AFF3: variants seen among roughly 807,000 people sequenced by gnomAD.
AFF3 encodes AF4/FMR2 family member 3.
In AFF3, 32 loss-of-function variants were observed where a neutral mutation model predicts 129.7. The observed-to-expected ratio is 0.25, with a 90% CI of 0.19 to 0.33. The LOEUF is 0.33. Ranked by LOEUF, AFF3 falls within the 10% of genes least tolerant of loss-of-function variation. The probability of loss-of-function intolerance (pLI) is 1.00; values close to 1 mark genes in which losing one functional copy is unlikely to be tolerated. For synonymous variants in AFF3, 644 were observed against 635.4 expected (o/e 1.01, Z -0.20); for missense variants, 1,373 against 1,592.0 (o/e 0.86, Z 2.34).
chr2:99,722,244 A>G (rs1678956863), intron 11 of AFF3, among the ~76,000 whole-genome samples: 1 of 152,180 alleles, frequency 6.6e-6, no homozygotes, highest in Non-Finnish European at 1.5e-5. Context: ...CTCAAGATCT[A>G]TTACAGTGGC....
chr2:99,572,546 A>G, intron 18 of AFF3: 1 of 453,996 alleles, frequency 2.2e-6, no homozygotes, highest in Admixed American at 2.4e-5. Flanking sequence ...TGAGAGCTCA[A>G]TGTGTTTGAA....
At chr2:99,916,001 C>T (rs1695449557) in intron 7 of AFF3, among the ~76,000 whole-genome samples, 1 of 152,088 alleles carries the variant, frequency 6.6e-6, no homozygotes, top group Non-Finnish European at 1.5e-5. Context: ...CAAAGCAAAC[C>T]CCGGGAACTG....
intron 10 of AFF3, among the ~76,000 whole-genome samples, chr2:99,728,603 G>A (rs1171539461): frequency 6.6e-6 from 1 of 152,116 alleles, no homozygotes; most frequent in East Asian, 1.9e-4. Context: ...AGAAGACACA[G>A]TTTCTACAGT....
intron 11 of AFF3, among the ~76,000 whole-genome samples, chr2:99,715,394 A>C (rs994549145): frequency 6.6e-6 from 1 of 152,200 alleles, no homozygotes; most frequent in African/African-American, 2.4e-5. Flanking sequence ...ATATTGTTAT[A>C]ACAGGAGGAA....
At chr2:99,954,657 T>A (rs1232502739) in intron 7 of AFF3, among the ~76,000 whole-genome samples, 1 of 150,184 alleles carries the variant, frequency 6.7e-6, no homozygotes, top group Non-Finnish European at 1.5e-5. Flanking sequence ...CAGTAAACTA[T>A]CGCAAGAACA....
At chr2:99,607,510 C>T (rs1558638798) in intron 13 of AFF3, among the ~76,000 whole-genome samples, 1 of 150,044 alleles carries the variant, frequency 6.7e-6, no homozygotes, top group African/African-American at 2.5e-5. Flanking sequence ...CCAGCCTGGG[C>T]GACAGTGTGA....
chr2:99,957,465 G>C lies in AFF3; in HGVS notation c.873+49167C>G, dbSNP rs1015633793. On this transcript the variant is annotated intron_variant, in intron 7 of 24. Coordinates refer to ENST00000672756, the MANE Select transcript of AFF3 (RefSeq NM_001386135.1). ...ATGTATGTGTGTGTGCTGTGGAAGG[G>C]GGAGAAAACAGAACACAGAGGGAGT... Among the ~76,000 whole-genome samples, 8 of 152,150 alleles carry C rather than the reference G, an allele frequency of 5.3e-5. No homozygotes were observed. In the East Asian group the frequency reaches 1.3e-3, roughly 26 times the overall value.
intron 14 of AFF3, among the ~76,000 whole-genome samples, chr2:99,594,923 T>C (rs562097200): frequency 6.6e-6 from 1 of 152,348 alleles, no homozygotes; most frequent in East Asian, 1.9e-4. Context: ...CCTGCTTCCA[T>C]CACACTTTGC....
At chr2:99,997,123 C>T (rs916978126) in intron 7 of AFF3, among the ~76,000 whole-genome samples, 3 of 151,074 alleles carry the variant, frequency 2.0e-5, no homozygotes, top group African/African-American at 7.3e-5. Flanking sequence ...TTAGATGTCA[C>T]GTGTATGCTC....
At chr2:99,628,035 C>G (rs1362365494) in intron 13 of AFF3, among the ~76,000 whole-genome samples, 1 of 152,148 alleles carries the variant, frequency 6.6e-6, no homozygotes, top group African/African-American at 2.4e-5. Context: ...TTAGGATTGC[C>G]TTGGCTACTA....
At position 99,568,910 on chromosome 2, in the gene AFF3, C is replaced by T. The variant is rs373595459; in HGVS notation, c.2924G>A (p.Arg975His). 8.7e-6 allele frequency: 14 copies of T among 1,613,834 alleles called. No individual in the cohort carries two copies. In the East Asian group the frequency reaches 1.1e-4, roughly 13 times the overall value. The change falls in exon 19 of 25, where the codon CGC becomes CAC. Residue 975 changes from arginine to histidine, a missense_variant. Arg to His is a conservative substitution (Grantham distance 29). Transcript: ENST00000672756. ...TTCTTGCATAAAATAATCGGCACTGCGAGGCCTACAAGGAGAGAATGATAT... is the reference window on the plus strand; with the variant it reads ...TTCTTGCATAAAATAATCGGCACTGTGAGGCCTACAAGGAGAGAATGATAT... ...RQKLVFDDMP[R>H]SADYFMQEAK...
At chr2:99,576,515 CAAAA>C (rs776848009) in intron 18 of AFF3, among the ~76,000 whole-genome samples, 2 of 63,082 alleles carry the variant, frequency 3.2e-5, no homozygotes, top group African/African-American at 1.2e-4. Flanking sequence ...GACCCTGTCT[CAAAA>C]AAAAAAAAAA....
intron 7 of AFF3, among the ~76,000 whole-genome samples, chr2:99,912,408 G>A (rs767892983): frequency 8.5e-5 from 13 of 152,212 alleles, no homozygotes; most frequent in East Asian, 1.9e-4. Context: ...TCCAAATACC[G>A]CATAACTTGT....
In AFF3 at chr2:100,007,298, C is replaced by A. The variant is rs747878274; in HGVS notation, c.337G>T (p.Val113Phe). ...TPVNKIDEHF[V>F]ADSRAQNQPS... ...TGGTTCTGGGCTCTTGAATCTGCAA[C>A]AAAATGTTCATCGATCTTGTTCACA... Residue 113 changes from valine to phenylalanine, a missense_variant, in exon 6 of 25, where the codon GTT (valine) becomes TTT (phenylalanine). Physicochemically the swap from Val to Phe is conservative, Grantham distance 50 (BLOSUM62 -1). Around this residue, in one of 9 missense-constraint regions of AFF3, gnomAD observed 255 missense variants for 256.0 expected, o/e 1.00. Transcript: ENST00000672756. 6.2e-7 allele frequency: 1 copy of A among 1,614,002 alleles called. No homozygotes were observed. Among genetic ancestry groups the A allele is most frequent in the Non-Finnish European group, 8.5e-7 (1 of 1,180,042 alleles).
chr2:99,903,186 C>T (rs957383339), intron 7 of AFF3, among the ~76,000 whole-genome samples: 1 of 152,000 alleles, frequency 6.6e-6, no homozygotes. Flanking sequence ...ACGTTGTGTG[C>T]CATTTAGAGA....
chr2:99,868,177 C>T (rs1448083648), intron 7 of AFF3, among the ~76,000 whole-genome samples: 1 of 152,080 alleles, frequency 6.6e-6, no homozygotes, highest in African/African-American at 2.4e-5. Context: ...ATGCTGTATT[C>T]TCAGGTCTAC....
intron 11 of AFF3, among the ~76,000 whole-genome samples, chr2:99,722,494 G>T (rs1013131074): frequency 6.6e-6 from 1 of 152,082 alleles, no homozygotes; most frequent in Non-Finnish European, 1.5e-5. Flanking sequence ...TAATGTTACG[G>T]TGACTCCTTT....
chr2:99,552,361 G>T (rs1430410929), intron 24 of AFF3, among the ~76,000 whole-genome samples: 1 of 152,188 alleles, frequency 6.6e-6, no homozygotes, highest in Non-Finnish European at 1.5e-5. Context: ...CTGCACTCCA[G>T]CCTGGGCCAC....
intron 8 of AFF3, among the ~76,000 whole-genome samples, chr2:99,823,190 T>C (rs1057499374): frequency 6.6e-6 from 1 of 152,212 alleles, no homozygotes; most frequent in Non-Finnish European, 1.5e-5. Context: ...GATCTTTTTT[T>C]AATAAGTGTT....
Sources: allele counts gnomAD v4.1 joint callset (sites outside exome capture counted in the v4.1 genomes callset), GRCh38; gene constraint gnomAD v4.1.1; regional missense constraint gnomAD v4.1.1; transcripts MANE v1.5; gene names NCBI Gene and HGNC (gene_info 2026-07-23, HGNC 2026-07-21).